DLGAP4: variants seen among roughly 807,000 people sequenced by gnomAD.
The protein encoded by DLGAP4 is disks large-associated protein 4.
DLGAP4 carries 18 observed loss-of-function variants against 86.9 expected under a neutral mutation model. That is an observed-to-expected ratio of 0.21 (90% CI 0.14 to 0.31). The LOEUF is 0.31. DLGAP4 is among the 10% of genes least tolerant of loss of function. The pLI is 1.00. For missense variants in DLGAP4, 1,085 were observed against 1,362.6 expected (o/e 0.80, Z 3.21); for synonymous variants, 548 against 574.3 (o/e 0.95, Z 0.65).
At chr20:36,522,106 C>T (rs183124466) in intron 10 of DLGAP4, among the ~76,000 whole-genome samples, 2 of 152,042 alleles carry the variant, frequency 1.3e-5, no homozygotes, top group East Asian at 3.9e-4. Flanking sequence ...CTGTCATTCT[C>T]CTTGTTGCCG....
At chr20:36,525,215 T>TAAAAAAAAA (rs1241486978) in intron 11 of DLGAP4, among the ~76,000 whole-genome samples, 1 of 27,464 alleles carries the variant, frequency 3.6e-5, no homozygotes, top group Admixed American at 6.3e-4. Flanking sequence ...AGACTCCGTC[T>TAAAAAAAAA]CAAAAAAAAA....
intron 2 of DLGAP4, among the ~76,000 whole-genome samples, chr20:36,429,780 C>G (rs2033080267): frequency 6.6e-6 from 1 of 152,176 alleles, no homozygotes; most frequent in Non-Finnish European, 1.5e-5. Flanking sequence ...CTCCCCATCT[C>G]AAGATCCTTA....
intron 1 of DLGAP4, among the ~76,000 whole-genome samples, chr20:36,316,098 G>A (rs919658509): frequency 2.6e-5 from 4 of 152,190 alleles, no homozygotes; most frequent in Non-Finnish European, 5.9e-5. Flanking sequence ...AGCGGAAGGT[G>A]GGCTCCTTCC....
rs2037576633 is a variant in DLGAP4 at position 36,524,444 on chromosome 20, C to T, written c.2604+103C>T. On this transcript the variant is annotated intron_variant, in intron 11 of 12. Coordinates refer to ENST00000339266, the MANE Select transcript of DLGAP4 (RefSeq NM_001365621.2). ...CCTCTGTGCCCTCCTCTGTAACACA[C>T]ACAGCGCGGCTTCCTCATGGTGCTG... The T allele has an allele frequency of 9.8e-6, 9 of 921,510 alleles. No individual in the cohort carries two copies. In the East Asian group the frequency reaches 2.0e-4, roughly 20 times the overall value. The allele number at this position is 921,510 out of a possible 1,614,324, so 57.1% of individuals were successfully genotyped here.
At chr20:36,461,922 G>A (rs1569506888) in intron 7 of DLGAP4, 1 of 984,600 alleles carries the variant, frequency 1.0e-6, no homozygotes, top group African/African-American at 1.8e-5. Flanking sequence ...TTCTCAGAGC[G>A]CTCTTCAGCC....
chr20:36,514,814 C>T (rs887701728), intron 10 of DLGAP4, among the ~76,000 whole-genome samples: 9 of 152,046 alleles, frequency 5.9e-5, no homozygotes, highest in African/African-American at 2.2e-4. Flanking sequence ...AGAAAACAGG[C>T]AACTGTTGGG....
At chr20:36,380,738 C>A (rs2031360412) in intron 2 of DLGAP4, among the ~76,000 whole-genome samples, 2 of 152,292 alleles carry the variant, frequency 1.3e-5, no homozygotes, top group Admixed American at 6.5e-5. Flanking sequence ...AGGCCTCTGA[C>A]ACCCTTAGCA....
intron 7 of DLGAP4, among the ~76,000 whole-genome samples, chr20:36,477,812 G>A (rs1309733043): frequency 6.6e-6 from 1 of 152,218 alleles, no homozygotes; most frequent in Admixed American, 6.5e-5. Context: ...AGGAAAATAG[G>A]ACGCCTGATC....
At chr20:36,370,459 C>A (rs1449079960) in intron 2 of DLGAP4, among the ~76,000 whole-genome samples, 3 of 151,494 alleles carry the variant, frequency 2.0e-5, no homozygotes, top group Non-Finnish European at 2.9e-5. Flanking sequence ...ACACTCTAGC[C>A]TGGGTGACAG....
chr20:36,411,962 A>G (rs1012539003), intron 2 of DLGAP4, among the ~76,000 whole-genome samples: 1 of 152,138 alleles, frequency 6.6e-6, no homozygotes, highest in African/African-American at 2.4e-5. Context: ...CCCTGTGAGT[A>G]TTAATCTCTG....
chr20:36,450,799 C>T (rs1426185854), intron 7 of DLGAP4, among the ~76,000 whole-genome samples: 2 of 152,180 alleles, frequency 1.3e-5, no homozygotes, highest in African/African-American at 4.8e-5. Context: ...TACTCCTGTT[C>T]AGAAAAGGGG....
At chr20:36,413,726 G>T (rs1200577416) in intron 2 of DLGAP4, among the ~76,000 whole-genome samples, 1 of 152,070 alleles carries the variant, frequency 6.6e-6, no homozygotes, top group Non-Finnish European at 1.5e-5. Flanking sequence ...GCCTATTCTG[G>T]ACATTTCATA....
At chr20:36,499,705 C>T (rs779598067) in intron 9 of DLGAP4, 29 bp downstream of exon 9, 4 of 1,569,030 alleles carry the variant, frequency 2.5e-6, no homozygotes, top group Non-Finnish European at 3.5e-6. Context: ...GCGGCTGCTT[C>T]TCCCCTCTCC....
Position 36,524,307 on chromosome 20 carries a change from T to G in DLGAP4, c.2570T>G (p.Phe857Cys), listed in dbSNP as rs748834894. The change falls in exon 11 of 13, where the codon TTC becomes TGC. Residue 857 changes from phenylalanine to cysteine, a missense_variant. By Grantham distance (205) the Phe-to-Cys change is radical (BLOSUM62 -2). Coordinates refer to ENST00000339266, the MANE Select transcript of DLGAP4 (RefSeq NM_001365621.2). ...GCCCAGCTACTGATGTCCCAGAAATTCCAGCAGTTCCGGGGCCTCTGTGAG... is the reference window on the plus strand; with the variant it reads ...GCCCAGCTACTGATGTCCCAGAAATGCCAGCAGTTCCGGGGCCTCTGTGAG... ...GSAQLLMSQK[F>C]QQFRGLCEQN... 1 of 1,614,004 alleles carries G rather than the reference T, an allele frequency of 6.2e-7. No individual in the cohort carries two copies. The highest frequency in any genetic ancestry group is 2.2e-5 in the East Asian group (1 of 44,878).
In DLGAP4 at chr20:36,497,127, T is replaced by C. The variant is rs1183434954; in HGVS notation, c.2010+61T>C. 9.8e-6 allele frequency: 15 copies of C among 1,526,614 alleles called. No individual in the cohort carries two copies. The East Asian group carries it at 2.7e-4, about 28-fold the overall frequency. 94.6% of individuals were successfully genotyped at this position (1,526,614 alleles called of 1,614,324 possible). ...ACTCCGTGCACCTGCCTGTGTGTAA[T>C]TACATCTGGTAGAGGCCCACTAGGT... On this transcript the variant is annotated intron_variant, in intron 8 of 12. Coordinates refer to ENST00000339266, the MANE Select transcript of DLGAP4 (RefSeq NM_001365621.2).
intron 12 of DLGAP4, 98 bp downstream of exon 12, chr20:36,526,104 G>A (rs758530633): frequency 1.3e-5 from 20 of 1,564,586 alleles, no homozygotes; most frequent in East Asian, 9.0e-5. Context: ...TCCCTTCTCC[G>A]TGTGTCGTCT....
At chr20:36,483,657 C>T (rs1244073388) in intron 7 of DLGAP4, among the ~76,000 whole-genome samples, 3 of 152,194 alleles carry the variant, frequency 2.0e-5, no homozygotes, top group Non-Finnish European at 2.9e-5. Context: ...GACTCAGCCA[C>T]GCTGGAGAAG....
chr20:36,467,064 C>CTCTCTCTCTCTCTCTCTCTCCCCCTCTCT (rs1555907464), intron 7 of DLGAP4, among the ~76,000 whole-genome samples: 2 of 118,144 alleles, frequency 1.7e-5, no homozygotes, highest in African/African-American at 9.7e-5. Flanking sequence ...CTCTCTCTCT[C>CTCTCTCTCTCTCTCTCTCTCCCCCTCTCT]CCCCCCCCTT....
intron 10 of DLGAP4, among the ~76,000 whole-genome samples, chr20:36,514,013 T>A (rs1219554740): frequency 6.6e-6 from 1 of 152,128 alleles, no homozygotes; most frequent in African/African-American, 2.4e-5. Context: ...TAGATTAAGA[T>A]GAATAAGATG....
Sources: gnomAD v4.1 joint callset for allele counts (sites outside exome capture counted in the v4.1 genomes callset) on GRCh38, gnomAD v4.1.1 for gene constraint, MANE v1.5 for transcripts, NCBI Gene and HGNC (gene_info 2026-07-23, HGNC 2026-07-21) for gene names.